ZNF8: variants seen among roughly 807,000 people sequenced by gnomAD.
The protein encoded by ZNF8 is zinc finger protein 272.
Under a neutral mutation model 12.2 loss-of-function variants are expected in ZNF8, and 9 were observed. The observed-to-expected ratio is 0.73, with a 90% CI of 0.44 to 1.28. ZNF8 has a LOEUF of 1.28. Ranked by LOEUF, ZNF8 falls within the 50% of genes most tolerant of loss-of-function variation. The probability of loss-of-function intolerance (pLI) is 0.00; values close to 1 mark genes in which losing one functional copy is unlikely to be tolerated. For synonymous variants in ZNF8, 274 were observed against 282.3 expected (o/e 0.97, Z 0.30); for missense variants, 664 against 729.1 (o/e 0.91, Z 1.03).
chr19:58,300,824 A>G lies in ZNF8; in HGVS notation c.*5288A>G, dbSNP rs2051487621. Reference sequence around the variant, plus strand: ...CCCACTGCTTCACAGAACCCACTGCAACCACTGTCCAAGGTACTACCTCTG... The same window carrying G: ...CCCACTGCTTCACAGAACCCACTGCGACCACTGTCCAAGGTACTACCTCTG... On this transcript the variant is annotated 3_prime_UTR_variant, in exon 4 of 4. Transcript: ENST00000621650. 6.6e-6 allele frequency: 1 copy of G among 151,648 alleles called. No individual in the cohort carries two copies. Among genetic ancestry groups the G allele is most frequent in the Admixed American group, 6.6e-5 (1 of 15,250 alleles). 9.4% of individuals were successfully genotyped at this position (151,648 alleles called of 1,614,324 possible). A position where few individuals can be genotyped will look rare whatever the true frequency, so the allele number is the denominator to read the frequency against.
chr19:58,286,251 GGTCAC>G lies in ZNF8; in HGVS notation c.289+47_289+51del, dbSNP rs1411560687. ...AGCAGCTAATGGGAGCAGCCTAGCA[GGTCAC>G]TGGAGATGCACTTCATGGAAAGGGT... On this transcript the variant is annotated intron_variant, in intron 3 of 3. Transcript: ENST00000621650. 13 of 1,555,336 alleles carry G rather than the reference GGTCAC, an allele frequency of 8.4e-6. No individual in the cohort carries two copies. The East Asian group carries it at 2.9e-4, about 35-fold the overall frequency.
At position 58,295,825 on chromosome 19, in the gene ZNF8, C is replaced by A; in HGVS notation, c.*289C>A. On this transcript the variant is annotated 3_prime_UTR_variant, in exon 4 of 4. Transcript: ENST00000621650. ...GTCAAAAAAAATCAATATGCGGCCCCATTTTGTAAAGGATCATTAAAATGA... is the reference window on the plus strand; with the variant it reads ...GTCAAAAAAAATCAATATGCGGCCCAATTTTGTAAAGGATCATTAAAATGA... 1 of 342,204 alleles carries A rather than the reference C, an allele frequency of 2.9e-6. No individual in the cohort carries two copies. 21.2% of individuals were successfully genotyped at this position (342,204 alleles called of 1,614,324 possible). A position where few individuals can be genotyped will look rare whatever the true frequency, so the allele number is the denominator to read the frequency against.
intron 1 of ZNF8, chr19:58,280,627 G>GTCCAGTGTT (rs1464954431): frequency 2.0e-5 from 3 of 152,230 alleles, no homozygotes; most frequent in East Asian, 3.8e-4. Context: ...GTTTTATCTG[G>GTCCAGTGTT]TTATCTGTGT....
chr19:58,295,277 C>G lies in ZNF8; in HGVS notation c.1469C>G (p.Thr490Ser), dbSNP rs1568527834. ...CTCATCCGGCACCAGATAACTCACA[C>G]CAGAGAGGAGCAGCCCCATGGGCGA... ...SHLIRHQITH[T>S]REEQPHGRSR... Residue 490 changes from threonine to serine, a missense_variant, in exon 4 of 4, where the codon ACC becomes AGC. Around this residue, in one of 3 missense-constraint regions of ZNF8, gnomAD observed 225 missense variants for 222.0 expected, o/e 1.01. Coordinates refer to ENST00000621650, the MANE Select transcript of ZNF8 (RefSeq NM_021089.3). 6.2e-7 allele frequency: 1 copy of G among 1,614,252 alleles called. No individual in the cohort carries two copies. The highest frequency in any genetic ancestry group is 1.3e-5 in the African/African-American group (1 of 75,078).
intron 3 of ZNF8, among the ~76,000 whole-genome samples, chr19:58,293,760 G>A (rs1405615514): frequency 1.3e-5 from 2 of 152,178 alleles, no homozygotes; most frequent in South Asian, 2.1e-4. Context: ...AGAACCTCCC[G>A]AAGAGAAACC....
At position 58,300,303 on chromosome 19, in the gene ZNF8, C is replaced by T. The variant is rs1267499660; in HGVS notation, c.*4767C>T. On this transcript the variant is annotated 3_prime_UTR_variant, in exon 4 of 4. Transcript: ENST00000621650. ...TTCAGTGGCTCAGCTGTGTCACAGTCGATGTTTTCTGCAATCTCTCAACCT... is the reference window on the plus strand; with the variant it reads ...TTCAGTGGCTCAGCTGTGTCACAGTTGATGTTTTCTGCAATCTCTCAACCT... The T allele has an allele frequency of 2.6e-5, 4 of 152,212 alleles. No individual in the cohort carries two copies. Among genetic ancestry groups the T allele is most frequent in the Admixed American group, 6.5e-5 (1 of 15,288 alleles). The allele number at this position is 152,212 out of a possible 1,614,324, so 9.4% of individuals were successfully genotyped here. A position where few individuals can be genotyped will look rare whatever the true frequency, so the allele number is the denominator to read the frequency against.
chr19:58,288,271 AAG>A, intron 3 of ZNF8, among the ~76,000 whole-genome samples: 1 of 152,272 alleles, frequency 6.6e-6, no homozygotes, highest in Middle Eastern at 3.4e-3. Flanking sequence ...GCTCAAAATA[AAG>A]AAGCATTTTT....
chr19:58,285,542 C>T (rs549072864), intron 1 of ZNF8, among the ~76,000 whole-genome samples, 175 bp from the exon 2 acceptor site: 2 of 152,314 alleles, frequency 1.3e-5, no homozygotes, highest in Admixed American at 1.3e-4. Flanking sequence ...CACTGTACAA[C>T]CCACACCTAT....
In ZNF8 at chr19:58,295,765, G is replaced by A. The variant is rs1222687567; in HGVS notation, c.*229G>A. On this transcript the variant is annotated 3_prime_UTR_variant, in exon 4 of 4. Transcript: ENST00000621650. The stretch of plus-strand genomic sequence containing the variant: ...CATTCCTTCCATTACACCACAGTGA[G>A]TTCACAGGTAATATAACCTACCCAC... The A allele has an allele frequency of 1.9e-6, 1 of 515,312 alleles. No homozygotes were observed. Among genetic ancestry groups the A allele is most frequent in the African/African-American group, 1.9e-5 (1 of 52,124 alleles). The allele number at this position is 515,312 out of a possible 1,614,324, so 31.9% of individuals were successfully genotyped here. A position where few individuals can be genotyped will look rare whatever the true frequency, so the allele number is the denominator to read the frequency against.
At position 58,295,582 on chromosome 19, in the gene ZNF8, G is replaced by GACTTACCACATTTT; in HGVS notation, c.*46_*47insACTTACCACATTTT. 6.8e-7 allele frequency: 1 copy of GACTTACCACATTTT among 1,480,962 alleles called. No individual in the cohort carries two copies. The highest frequency in any genetic ancestry group is 1.8e-4 in the Middle Eastern group (1 of 5,534). The allele number at this position is 1,480,962 out of a possible 1,614,324, so 91.7% of individuals were successfully genotyped here. On this transcript the variant is annotated 3_prime_UTR_variant, in exon 4 of 4. Transcript: ENST00000621650. ...CTTTTAACCACAAGTAAAAAATGTG[G>GACTTACCACATTTT]TAAGTCCACATAGTGTACTCATGGA...
rs1040379460 is a variant in ZNF8 at position 58,299,255 on chromosome 19, G to GGCGCCCGCCACC, written c.*3720_*3731dup. On this transcript the variant is annotated 3_prime_UTR_variant, in exon 4 of 4. Coordinates refer to ENST00000621650, the MANE Select transcript of ZNF8 (RefSeq NM_021089.3). ...AGCCTCCCGAGTAGCTGGGACTACAGGCGCCCGCCACCACGCCCGGCAAAT... is the reference window on the plus strand; with the variant it reads ...AGCCTCCCGAGTAGCTGGGACTACAGGCGCCCGCCACCGCGCCCGCCACCACGCCCGGCAAAT... The GGCGCCCGCCACC allele has an allele frequency of 4.6e-5, 7 of 151,804 alleles. No individual in the cohort carries two copies. Among genetic ancestry groups the GGCGCCCGCCACC allele is most frequent in the Admixed American group, 4.6e-4 (7 of 15,264 alleles). The allele number at this position is 151,804 out of a possible 1,614,324, so 9.4% of individuals were successfully genotyped here. A position where few individuals can be genotyped will look rare whatever the true frequency, so the allele number is the denominator to read the frequency against.
In ZNF8 at chr19:58,295,189, C is replaced by CA; in HGVS notation, c.1382dup (p.His461GlnfsTer10). 1.2e-6 allele frequency: 2 copies of CA among 1,614,172 alleles called. No homozygotes were observed. Among genetic ancestry groups the CA allele is most frequent in the Non-Finnish European group, 1.7e-6 (2 of 1,180,044 alleles). On this transcript the variant is annotated frameshift_variant, in exon 4 of 4. Coordinates refer to ENST00000621650, the MANE Select transcript of ZNF8 (RefSeq NM_021089.3). LOFTEE classifies it low-confidence loss of function (END_TRUNC). ...ACCTTTGAGTCAAGATGAGAGGACT[C>CA]ACCGAAGCGACAGACCCTTCAAATG... is the stretch of plus-strand genomic sequence containing the variant.
rs1023213754 is a variant in ZNF8 at position 58,285,664 on chromosome 19, G to A, written c.67-53G>A. Reference sequence around the variant, plus strand: ...CTCCTTTTCCATTCTTCCTCTGCCAGAAAGCACTGATGGAGATAGTCCAGC... The same window carrying A: ...CTCCTTTTCCATTCTTCCTCTGCCAAAAAGCACTGATGGAGATAGTCCAGC... On this transcript the variant is annotated intron_variant, in intron 1 of 3. Coordinates refer to ENST00000621650, the MANE Select transcript of ZNF8 (RefSeq NM_021089.3). The A allele has an allele frequency of 8.7e-6, 14 of 1,613,846 alleles. No homozygotes were observed. The African/African-American group carries it at 1.9e-4, about 22-fold the overall frequency.
intron 1 of ZNF8, among the ~76,000 whole-genome samples, chr19:58,282,577 C>G (rs1161559392): frequency 6.6e-6 from 1 of 152,104 alleles, no homozygotes; most frequent in Non-Finnish European, 1.5e-5. Context: ...AGATTTATCT[C>G]TCTGTTTTCC....
Position 58,295,285 on chromosome 19 carries a change from G to GC in ZNF8, c.1477_1478insC (p.Glu493AlafsTer11), listed in dbSNP as rs1451500713. 7 of 1,614,204 alleles carry GC rather than the reference G, an allele frequency of 4.3e-6. No individual in the cohort carries two copies. The highest frequency in any genetic ancestry group is 5.9e-6 in the Non-Finnish European group (7 of 1,180,018). ...GCACCAGATAACTCACACCAGAGAG[G>GC]AGCAGCCCCATGGGCGAAGCCGGCG... On this transcript the variant is annotated frameshift_variant, in exon 4 of 4. Coordinates refer to ENST00000621650, the MANE Select transcript of ZNF8 (RefSeq NM_021089.3). LOFTEE classifies it low-confidence loss of function (END_TRUNC).
chr19:58,288,906 C>T (rs1458070529), intron 3 of ZNF8, among the ~76,000 whole-genome samples: 2 of 152,164 alleles, frequency 1.3e-5, no homozygotes, highest in Non-Finnish European at 1.5e-5. Flanking sequence ...AGCAAATTCT[C>T]ATCACCCTGG....
At chr19:58,285,406 C>A (rs1038938936) in intron 1 of ZNF8, among the ~76,000 whole-genome samples, 3 of 152,196 alleles carry the variant, frequency 2.0e-5, no homozygotes, top group Non-Finnish European at 4.4e-5. Context: ...GTAACTGTTT[C>A]TTTAGCTCAC....
At chr19:58,279,739 G>A in intron 1 of ZNF8, 1 of 1,513,408 alleles carries the variant, frequency 6.6e-7, no homozygotes, top group South Asian at 1.2e-5. Flanking sequence ...AGGGCGGTCA[G>A]TGTTTGCAGG....
In ZNF8 at chr19:58,295,275, C is replaced by T; in HGVS notation, c.1467C>T (p.His489=). 1 of 1,614,252 alleles carries T rather than the reference C, an allele frequency of 6.2e-7. No individual in the cohort carries two copies. Among genetic ancestry groups the T allele is most frequent in the East Asian group, 2.2e-5 (1 of 44,882 alleles). Reference sequence around the variant, plus strand: ...ACCTCATCCGGCACCAGATAACTCACACCAGAGAGGAGCAGCCCCATGGGC... The same window carrying T: ...ACCTCATCCGGCACCAGATAACTCATACCAGAGAGGAGCAGCCCCATGGGC... ...SSHLIRHQIT[H]TREEQPHGRS... Residue 489 remains histidine, a synonymous_variant, in exon 4 of 4, where the codon CAC becomes CAT. Transcript: ENST00000621650.
Sources: allele counts gnomAD v4.1 joint callset (sites outside exome capture counted in the v4.1 genomes callset), GRCh38; gene constraint gnomAD v4.1.1; regional missense constraint gnomAD v4.1.1; transcripts MANE v1.5; gene names NCBI Gene and HGNC (gene_info 2026-07-23, HGNC 2026-07-21).